The following NPEPPS variants were observed in gnomAD, a reference collection of about 807,000 sequenced individuals.
NPEPPS encodes puromycin-sensitive aminopeptidase.
In NPEPPS, 14 loss-of-function variants were observed where a neutral mutation model predicts 115.5. That is an observed-to-expected ratio of 0.12 (90% CI 0.08 to 0.19). The LOEUF is 0.19. Ranked by LOEUF, NPEPPS falls within the 10% of genes least tolerant of loss-of-function variation. The pLI, the probability that NPEPPS is intolerant of heterozygous loss-of-function variation, is 1.00. For missense variants in NPEPPS, 523 were observed against 1,110.8 expected (o/e 0.47, Z 7.52); for synonymous variants, 285 against 390.6 (o/e 0.73, Z 3.19).
chr17:47,602,394 G>A (rs1012638739), intron 15 of NPEPPS, among the ~76,000 whole-genome samples: 1 of 151,748 alleles, frequency 6.6e-6, no homozygotes, highest in African/African-American at 2.4e-5. Context: ...GATCACTTTC[G>A]GAGGCCGAGG....
At chr17:47,590,075 AATCCCAGCACTTTG>A (rs1020916246) in intron 9 of NPEPPS, among the ~76,000 whole-genome samples, 3 of 152,082 alleles carry the variant, frequency 2.0e-5, no homozygotes, top group Non-Finnish European at 4.4e-5. Flanking sequence ...TTACGCGTGT[AATCCCAGCACTTTG>A]GCAGGCTGAG....
intron 1 of NPEPPS, among the ~76,000 whole-genome samples, chr17:47,541,619 C>G (rs1403585012): frequency 1.3e-5 from 2 of 152,212 alleles, no homozygotes; most frequent in African/African-American, 2.4e-5. Context: ...TCGTGATCCA[C>G]CCACCTTGGC....
intron 1 of NPEPPS, among the ~76,000 whole-genome samples, chr17:47,523,990 C>G (rs185621609): frequency 6.6e-6 from 1 of 151,504 alleles, no homozygotes; most frequent in East Asian, 1.9e-4. Flanking sequence ...TCTTTTCTTT[C>G]TTAAACTTTT....
At chr17:47,580,298 C>T (rs1911795274) in intron 4 of NPEPPS, 1 of 151,942 alleles carries the variant, frequency 6.6e-6, no homozygotes, top group Non-Finnish European at 1.5e-5. Flanking sequence ...TAATATTTGC[C>T]ACAGATATTT....
chr17:47,538,236 C>T (rs1908470792), intron 1 of NPEPPS, among the ~76,000 whole-genome samples: 1 of 69,710 alleles, frequency 1.4e-5, no homozygotes, highest in African/African-American at 5.0e-5. Context: ...GAGACAGAGT[C>T]TCACTCTGTT....
chr17:47,615,109 C>T (rs1914124318), intron 19 of NPEPPS, among the ~76,000 whole-genome samples: 1 of 132,314 alleles, frequency 7.6e-6, no homozygotes, highest in Admixed American at 8.3e-5. Context: ...GACGGAGTCT[C>T]ACTCTGTCAC....
chr17:47,613,882 C>G (rs536553811), intron 19 of NPEPPS, among the ~76,000 whole-genome samples, 157 bp downstream of exon 19: 1 of 149,962 alleles, frequency 6.7e-6, no homozygotes. Flanking sequence ...TTATGTCTAT[C>G]CATATATGTT....
At chr17:47,608,042 G>A (rs1461911234) in intron 17 of NPEPPS, among the ~76,000 whole-genome samples, 2 of 151,206 alleles carry the variant, frequency 1.3e-5, no homozygotes, top group Non-Finnish European at 2.9e-5. Context: ...AGACTTCACT[G>A]TGTTGCCTAG....
rs1381710943 is a variant in NPEPPS, at chr17:47,623,230, T to C, written c.*1310T>C. 5.7e-6 allele frequency: 1 copy of C among 175,998 alleles called. No individual in the cohort carries two copies. The highest frequency in any genetic ancestry group is 1.2e-5 in the Non-Finnish European group (1 of 82,944). 10.9% of individuals were successfully genotyped at this position (175,998 alleles called of 1,614,324 possible). On this transcript the variant is annotated 3_prime_UTR_variant, in exon 23 of 23. Coordinates refer to ENST00000322157, the MANE Select transcript of NPEPPS (RefSeq NM_006310.4). The stretch of plus-strand genomic sequence containing the variant: ...TTTTTGTGCTATTGTTTTAAAAAAA[T>C]AATTAAAAAACAGTTGGCGTTAATA...
intron 1 of NPEPPS, among the ~76,000 whole-genome samples, chr17:47,538,749 C>T (rs1461956859): frequency 3.3e-5 from 5 of 150,918 alleles, no homozygotes; most frequent in South Asian, 2.1e-4. Flanking sequence ...AGGCTGGTCT[C>T]GAACTCCTGA....
At chr17:47,553,607 A>G (rs1255444926) in intron 2 of NPEPPS, among the ~76,000 whole-genome samples, 2 of 152,206 alleles carry the variant, frequency 1.3e-5, no homozygotes, top group African/African-American at 2.4e-5. Context: ...AAACTTATAT[A>G]TGCTATGTTT....
chr17:47,568,101 C>A (rs1253111521), intron 2 of NPEPPS, among the ~76,000 whole-genome samples: 1 of 152,108 alleles, frequency 6.6e-6, no homozygotes, highest in Non-Finnish European at 1.5e-5. Flanking sequence ...AGTGGCTGCA[C>A]CATTTACATT....
At position 47,603,925 on chromosome 17, in the gene NPEPPS, G is replaced by A; in HGVS notation, c.1751G>A (p.Gly584Glu). Reference sequence around the variant, plus strand: ...TGGATATCTTTGCAGTTAAACTTAGGAACAGTTGGGTTTTATCGGACCCAG... The same window carrying A: ...TGGATATCTTTGCAGTTAAACTTAGAAACAGTTGGGTTTTATCGGACCCAG... ...KPDQWVKLNLGTVGFYRTQYS... is the reference protein window; with the variant it reads ...KPDQWVKLNLETVGFYRTQYS... The change falls in exon 16 of 23, where the codon GGA (glycine) becomes GAA (glutamate). Residue 584 changes from glycine (G) to glutamate (E), a missense_variant. Physicochemically the swap from Gly to Glu is moderately conservative, Grantham distance 98. Transcript: ENST00000322157. 6.2e-7 allele frequency: 1 copy of A among 1,609,666 alleles called. No homozygotes were observed.
Position 47,534,726 on chromosome 17 carries a change from G to A in NPEPPS, c.255+3171G>A, listed in dbSNP as rs993701632. ...TGGGACTACAGGTGTGTGCCATCAC[G>A]CCCAACTAATTTTTGTATTTTTAGT... On this transcript the variant is annotated intron_variant, in intron 1 of 22. Transcript: ENST00000322157. 1.1e-4 allele frequency among the ~76,000 whole-genome samples: 16 copies of A among 151,596 alleles called. No homozygotes were observed. In the East Asian group the frequency reaches 3.0e-3, roughly 28 times the overall value.
intron 13 of NPEPPS, among the ~76,000 whole-genome samples, chr17:47,597,047 C>CAAA (rs201747090): frequency 3.8e-5 from 5 of 130,742 alleles, no homozygotes; most frequent in East Asian, 4.3e-4. Context: ...GACTTCGTCT[C>CAAA]AAAAAAAAAA....
intron 14 of NPEPPS, among the ~76,000 whole-genome samples, chr17:47,600,623 T>A (rs1415522225): frequency 6.6e-6 from 1 of 152,240 alleles, no homozygotes. Flanking sequence ...GGAGAAATTT[T>A]ACTTTGTGGT....
rs772585628 is a variant in NPEPPS at position 47,622,992 on chromosome 17, T to A, written c.*1072T>A. Reference sequence around the variant, plus strand: ...AAAACAAAGACTGTAAGCCTGTGTGTGCCACTGTTTGCTTCAACAGTATAT... The same window carrying A: ...AAAACAAAGACTGTAAGCCTGTGTGAGCCACTGTTTGCTTCAACAGTATAT... On this transcript the variant is annotated 3_prime_UTR_variant, in exon 23 of 23. Transcript: ENST00000322157. 6.8e-6 allele frequency: 3 copies of A among 442,650 alleles called. No individual in the cohort carries two copies. The highest frequency in any genetic ancestry group is 4.7e-5 in the South Asian group (3 of 63,272). 27.4% of individuals were successfully genotyped at this position (442,650 alleles called of 1,614,324 possible). A position where few individuals can be genotyped will look rare whatever the true frequency, so the allele number is the denominator to read the frequency against.
chr17:47,555,981 C>CTTTT (rs886460288), intron 2 of NPEPPS, among the ~76,000 whole-genome samples: 2 of 63,056 alleles, frequency 3.2e-5, no homozygotes, highest in Non-Finnish European at 3.5e-5. Flanking sequence ...TTCTGTTTTA[C>CTTTT]TTTTTTTTTT....
chr17:47,566,903 C>G (rs1229018206), intron 2 of NPEPPS, among the ~76,000 whole-genome samples: 1 of 152,000 alleles, frequency 6.6e-6, no homozygotes, highest in Non-Finnish European at 1.5e-5. Flanking sequence ...GGGGAAACCC[C>G]TGTCTCTACT....
Sources: gnomAD v4.1 joint callset for allele counts (sites outside exome capture counted in the v4.1 genomes callset) on GRCh38, gnomAD v4.1.1 for gene constraint, MANE v1.5 for transcripts, NCBI Gene and HGNC (gene_info 2026-07-23, HGNC 2026-07-21) for gene names.